ATP13A5: variants seen among roughly 807,000 people sequenced by gnomAD.
The protein encoded by ATP13A5 is ATPase 13A5, also known as probable cation-transporting ATPase 13A5.
Under a neutral mutation model 150.2 loss-of-function variants are expected in ATP13A5, and 149 were observed. That is an observed-to-expected ratio of 0.99 (90% CI 0.87 to 1.14). The LOEUF is 1.14. Ranked by LOEUF, ATP13A5 falls within the 50% of genes most tolerant of loss-of-function variation. ATP13A5 has a pLI of 0.00. For synonymous variants in ATP13A5, 497 were observed against 522.2 expected, an observed-to-expected ratio of 0.95 and a Z score of 0.66; for missense variants, 1,383 against 1,449.3, an observed-to-expected ratio of 0.95 and a Z score of 0.74.
chr3:193,326,965 C>T (rs758249911), intron 13 of ATP13A5, 31 bp downstream of exon 13: 2 of 1,603,558 alleles, frequency 1.2e-6, no homozygotes, highest in Non-Finnish European at 1.7e-6. Context: ...CTCCACCAAA[C>T]ACACCTTCCA....
intron 9 of ATP13A5, among the ~76,000 whole-genome samples, chr3:193,339,997 T>C (rs568205530): frequency 2.6e-5 from 4 of 152,338 alleles, no homozygotes; most frequent in African/African-American, 9.6e-5. Flanking sequence ...GTCTCTTTTA[T>C]GCTATTTGCA....
chr3:193,372,523 G>C (rs1713484247), intron 1 of ATP13A5, among the ~76,000 whole-genome samples: 1 of 152,080 alleles, frequency 6.6e-6, no homozygotes, highest in Non-Finnish European at 1.5e-5. Context: ...CTCTAAGTAT[G>C]AGTTTTAGAA....
intron 4 of ATP13A5, 21 bp downstream of exon 4, chr3:193,362,546 G>A (rs759845326): frequency 4.3e-6 from 7 of 1,613,758 alleles, no homozygotes; most frequent in Non-Finnish European, 5.9e-6. Context: ...TGACCAAGGG[G>A]TGACAAAACA....
chr3:193,278,990 A>G (rs1396284232), intron 28 of ATP13A5, among the ~76,000 whole-genome samples: 1 of 152,126 alleles, frequency 6.6e-6, no homozygotes. Context: ...TTATAAGTCT[A>G]TGTTTTCTTT....
chr3:193,294,919 A>G (rs1718104456), intron 25 of ATP13A5, among the ~76,000 whole-genome samples: 2 of 152,088 alleles, frequency 1.3e-5, no homozygotes, highest in South Asian at 2.1e-4. Context: ...GTTTAACCTC[A>G]TTATTGCTTG....
chr3:193,351,004 A>G (rs1354096752), intron 7 of ATP13A5, 63 bp downstream of exon 7: 5 of 1,582,236 alleles, frequency 3.2e-6, no homozygotes, highest in Non-Finnish European at 4.3e-6. Flanking sequence ...CAGTGGAAAT[A>G]CCATGGGCTT....
intron 1 of ATP13A5, among the ~76,000 whole-genome samples, chr3:193,369,918 G>A (rs1713384367): frequency 6.6e-6 from 1 of 152,176 alleles, no homozygotes; most frequent in Admixed American, 6.5e-5. Context: ...TGATTTTATA[G>A]TAGGTTCAGT....
At position 193,319,109 on chromosome 3, in the gene ATP13A5, C is replaced by G; in HGVS notation, c.1916-1G>C. 1 of 1,611,758 alleles carries G rather than the reference C, an allele frequency of 6.2e-7. No individual in the cohort carries two copies. The highest frequency in any genetic ancestry group is 8.5e-7 in the Non-Finnish European group (1 of 1,178,032). The stretch of plus-strand genomic sequence containing the variant: ...AGTTCCTGTGGGAAATTCTTGGGCA[C>G]TGCCAGGGTAGAAGAAACAGGTAAG... On this transcript the variant is annotated splice_acceptor_variant, in intron 16 of 29. Transcript: ENST00000342358. LOFTEE classifies it high-confidence loss of function.
intron 5 of ATP13A5, among the ~76,000 whole-genome samples, chr3:193,354,919 G>T (rs1409811045): frequency 7.2e-6 from 1 of 138,590 alleles, no homozygotes; most frequent in Non-Finnish European, 1.5e-5. Flanking sequence ...CACACATCTA[G>T]TATGAATCAC....
intron 25 of ATP13A5, among the ~76,000 whole-genome samples, chr3:193,293,802 G>A (rs902635752): frequency 6.6e-6 from 1 of 151,916 alleles, no homozygotes; most frequent in African/African-American, 2.4e-5. Flanking sequence ...ATTATTTAAG[G>A]GGACCAAGAC....
chr3:193,362,383 G>T lies in ATP13A5; in HGVS notation c.534C>A (p.Val178=). The change falls in exon 5 of 30, where the codon GTC becomes GTA. Residue 178 remains valine, a splice_region_variant and synonymous_variant. Coordinates refer to ENST00000342358, the MANE Select transcript of ATP13A5 (RefSeq NM_198505.4). ...GLGLTSEEQE[V]RRLVCGPNAI... The stretch of plus-strand genomic sequence containing the variant: ...TTAAGGCATATAATAAGTCCTACCT[G>T]ACCTCTTGCTCTTCACTGGTCAGAC... 2 of 1,613,764 alleles carry T rather than the reference G, an allele frequency of 1.2e-6. No individual in the cohort carries two copies. The highest frequency in any genetic ancestry group is 2.2e-5 in the South Asian group (2 of 91,026).
At chr3:193,354,726 T>C (rs7645041) in intron 5 of ATP13A5, among the ~76,000 whole-genome samples, 82,132 of 151,470 alleles carry the variant, frequency 0.54, 22,469 homozygotes, top group African/African-American at 0.62. Flanking sequence ...TAAACGTGTA[T>C]ATTATACACA....
chr3:193,296,927 C>G (rs891739594), intron 25 of ATP13A5, among the ~76,000 whole-genome samples: 2 of 151,938 alleles, frequency 1.3e-5, no homozygotes, highest in Non-Finnish European at 2.9e-5. Context: ...AACACATGGA[C>G]ACATAGTGGG....
Position 193,290,070 on chromosome 3 carries a change from A to C in ATP13A5, c.2849-11T>G, listed in dbSNP as rs1717888283. 1 of 1,588,890 alleles carries C rather than the reference A, an allele frequency of 6.3e-7. No homozygotes were observed. Among genetic ancestry groups the C allele is most frequent in the Non-Finnish European group, 8.5e-7 (1 of 1,171,074 alleles). On this transcript the variant is annotated splice_polypyrimidine_tract_variant and intron_variant, in intron 25 of 29. Transcript: ENST00000342358. ...CATGAGTTGAACTCACTGAAAGACA[A>C]ATACATTTTTTTCCTATTACAATCT...
At chr3:193,333,650 A>G in intron 11 of ATP13A5, 100 bp downstream of exon 11, 1 of 1,203,722 alleles carries the variant, frequency 8.3e-7, no homozygotes, top group Non-Finnish European at 1.2e-6. Context: ...AATGATTCAC[A>G]GAATGATGGG....
intron 1 of ATP13A5, among the ~76,000 whole-genome samples, chr3:193,376,588 A>G (rs549725184): frequency 8.3e-4 from 126 of 152,220 alleles, no homozygotes; most frequent in African/African-American, 2.9e-3. Flanking sequence ...TGCAGGTTTG[A>G]TACTTAGGTA....
chr3:193,292,834 C>T (rs1351666422), intron 25 of ATP13A5, among the ~76,000 whole-genome samples: 1 of 152,000 alleles, frequency 6.6e-6, no homozygotes, highest in African/African-American at 2.4e-5. Flanking sequence ...TGAGGCAATA[C>T]CTAATGCATA....
chr3:193,344,498 C>G (rs577343285), intron 8 of ATP13A5, among the ~76,000 whole-genome samples: 1 of 152,168 alleles, frequency 6.6e-6, no homozygotes, highest in Non-Finnish European at 1.5e-5. Context: ...GCCACTCCAC[C>G]TCTGACTAGC....
chr3:193,297,686 T>C (rs1223987958), intron 25 of ATP13A5, among the ~76,000 whole-genome samples: 1 of 151,996 alleles, frequency 6.6e-6, no homozygotes, highest in Non-Finnish European at 1.5e-5. Context: ...AGCACTCCCA[T>C]AGAGCCCATT....
Sources: allele counts gnomAD v4.1 joint callset (sites outside exome capture counted in the v4.1 genomes callset), GRCh38; gene constraint gnomAD v4.1.1; transcripts MANE v1.5; gene names NCBI Gene and HGNC (gene_info 2026-07-23, HGNC 2026-07-21).